The following MLKL variants were observed in gnomAD, a reference collection of about 807,000 sequenced individuals.
MLKL encodes mixed lineage kinase domain-like protein.
In MLKL, 55 loss-of-function variants were observed where a neutral mutation model predicts 56.5. That is an observed-to-expected ratio of 0.97 (90% CI 0.78 to 1.22). The LOEUF (loss-of-function observed/expected upper bound fraction) is 1.22. MLKL is among the 50% of genes most tolerant of loss of function. The probability of loss-of-function intolerance (pLI) is 0.00; values close to 1 mark genes in which losing one functional copy is unlikely to be tolerated. For missense variants in MLKL, 694 were observed against 573.9 expected (o/e 1.21, Z -2.14); for synonymous variants, 251 against 208.3 (o/e 1.20, Z -1.76).
Position 74,700,465 on chromosome 16 carries a change from C to T in MLKL, c.-15G>A, listed in dbSNP as rs1167481489. The T allele has an allele frequency of 2.0e-5, 3 of 152,482 alleles. No homozygotes were observed. The highest frequency in any genetic ancestry group is 2.0e-4 in the Admixed American group (3 of 15,284). The allele number at this position is 152,482 out of a possible 1,614,324, so 9.4% of individuals were successfully genotyped here. The stretch of plus-strand genomic sequence containing the variant: ...ACCCCATGCTCACCTTCGCGCCTCC[C>T]GAGGGGTGTGCGTCCAATCTGTCCC... On this transcript the variant is annotated 5_prime_UTR_variant, in exon 1 of 11. Coordinates refer to ENST00000308807, the MANE Select transcript of MLKL (RefSeq NM_152649.4).
At position 74,673,793 on chromosome 16, in the gene MLKL, A is replaced by C. The variant is rs192464238; in HGVS notation, c.1381+1167T>G. 9.3e-4 allele frequency among the ~76,000 whole-genome samples: 141 copies of C among 152,130 alleles called. 1 individual carries two copies. The highest frequency in any genetic ancestry group is 7.4e-5 in the Non-Finnish European group (5 of 67,984). Reference sequence around the variant, plus strand: ...GAGATAGAAAGACAAAAAGACAACAAGATAATGCTGCTGTGGTGGTGCCTG... The same window carrying C: ...GAGATAGAAAGACAAAAAGACAACACGATAATGCTGCTGTGGTGGTGCCTG... On this transcript the variant is annotated intron_variant, in intron 10 of 10. Coordinates refer to ENST00000308807, the MANE Select transcript of MLKL (RefSeq NM_152649.4).
Position 74,695,279 on chromosome 16 carries a change from C to T in MLKL, c.460+19G>A. The T allele has an allele frequency of 6.2e-7, 1 of 1,609,698 alleles. No homozygotes were observed. Among genetic ancestry groups the T allele is most frequent in the East Asian group, 2.2e-5 (1 of 44,830 alleles). Reference sequence around the variant, plus strand: ...TGCATTCAACTGCACTCCCACTCCCCACCAAAGACCCAGCTTGCCTCTTCT... The same window carrying T: ...TGCATTCAACTGCACTCCCACTCCCTACCAAAGACCCAGCTTGCCTCTTCT... On this transcript the variant is annotated intron_variant, in intron 2 of 10. Transcript: ENST00000308807.
intron 4 of MLKL, among the ~76,000 whole-genome samples, chr16:74,686,240 G>A (rs1446116354): frequency 3.3e-5 from 5 of 151,912 alleles, no homozygotes; most frequent in Non-Finnish European, 7.4e-5. Context: ...GGGATTTCAG[G>A]TGTGAGTCAC....
chr16:74,675,698 C>T lies in MLKL; in HGVS notation c.1105G>A (p.Asp369Asn), dbSNP rs758149009. 7 of 1,614,030 alleles carry T rather than the reference C, an allele frequency of 4.3e-6. No homozygotes were observed. Among genetic ancestry groups the T allele is most frequent in the Non-Finnish European group, 5.9e-6 (7 of 1,180,028 alleles). Residue 369 changes from aspartate to asparagine, a missense_variant, in exon 8 of 11, where the codon GAC becomes AAC. By Grantham distance (23) the Asp-to-Asn change is conservative (BLOSUM62 1). Coordinates refer to ENST00000308807, the MANE Select transcript of MLKL (RefSeq NM_152649.4). ...AGATATGCTGTAGATTTGACTCTGT[C>T]TGTCTTTTCTCTCGTAGTTCCCAAA... ...MSLGTTREKT[D>N]RVKSTAYLSP...
At position 74,695,464 on chromosome 16, in the gene MLKL, G is replaced by T. The variant is rs746877297; in HGVS notation, c.294C>A (p.Phe98Leu). 1.2e-6 allele frequency: 2 copies of T among 1,614,082 alleles called. No individual in the cohort carries two copies. Residue 98 changes from phenylalanine (F) to leucine (L), a missense_variant, in exon 2 of 11, where the codon TTC becomes TTA. Transcript: ENST00000308807. Reference sequence around the variant, plus strand: ...CACTCAGCTTCCTGTTCACGTCCTTGAAGAGTATTTTGTCCTGGCTTGCTG... The same window carrying T: ...CACTCAGCTTCCTGTTCACGTCCTTTAAGAGTATTTTGTCCTGGCTTGCTG... ...FLTASQDKIL[F>L]KDVNRKLSDV... is the part of the protein sequence containing the mutation.
At chr16:74,677,689 T>C (rs189089827) in intron 7 of MLKL, 1 of 152,340 alleles carries the variant, frequency 6.6e-6, no homozygotes, top group South Asian at 2.1e-4. Flanking sequence ...TTTTTCTTTT[T>C]TTTTGGAGAT....
chr16:74,674,405 G>A (rs973332605), intron 10 of MLKL, among the ~76,000 whole-genome samples: 2 of 151,556 alleles, frequency 1.3e-5, no homozygotes, highest in Non-Finnish European at 2.9e-5. Flanking sequence ...CACCCACCTT[G>A]GCCTCGCAAA....
intron 10 of MLKL, among the ~76,000 whole-genome samples, chr16:74,674,557 T>G (rs895468887): frequency 7.9e-5 from 12 of 151,896 alleles, no homozygotes; most frequent in African/African-American, 2.9e-4. Context: ...TTTCAAGAGA[T>G]TCTCATGCCT....
Position 74,675,444 on chromosome 16 carries a change from T to C in MLKL, c.1191-40A>G, listed in dbSNP as rs759554822. ...AGAAACTGAACAACCATAACTAGTC[T>C]CCCCTTTCCCCTGTCCCTCTAGCCA... On this transcript the variant is annotated intron_variant, in intron 8 of 10. Transcript: ENST00000308807. The C allele has an allele frequency of 5.4e-5, 87 of 1,603,284 alleles. 1 individual carries two copies. The South Asian group carries it at 9.2e-4, about 17-fold the overall frequency.
At chr16:74,688,190 A>G (rs2870147) in intron 4 of MLKL, among the ~76,000 whole-genome samples, 39,320 of 151,306 alleles carry the variant, frequency 0.26, 5,675 homozygotes, top group South Asian at 0.52. Context: ...GGCTGGTCTC[A>G]AACTCCTGAC....
chr16:74,674,442 C>T (rs554160706), intron 10 of MLKL, among the ~76,000 whole-genome samples: 19 of 151,870 alleles, frequency 1.3e-4, no homozygotes, highest in African/African-American at 2.9e-4. Context: ...CATGAGCCAC[C>T]GCGCCTGGCC....
At chr16:74,699,466 G>A (rs770584830) in intron 1 of MLKL, among the ~76,000 whole-genome samples, 1 of 152,184 alleles carries the variant, frequency 6.6e-6, no homozygotes, top group Non-Finnish European at 1.5e-5. Context: ...ATTGTTTAAG[G>A]TCTTATTAAG....
chr16:74,698,497 A>G (rs1961188068), intron 1 of MLKL, among the ~76,000 whole-genome samples: 1 of 152,194 alleles, frequency 6.6e-6, no homozygotes, highest in South Asian at 2.1e-4. Context: ...GGGCACTCCT[A>G]AAAAGACTAG....
At chr16:74,690,222 A>T (rs922283780) in intron 4 of MLKL, among the ~76,000 whole-genome samples, 1 of 152,268 alleles carries the variant, frequency 6.6e-6, no homozygotes, top group East Asian at 1.9e-4. Flanking sequence ...CAAGATATTG[A>T]TCACTTTATA....
intron 10 of MLKL, 127 bp downstream of exon 10, chr16:74,674,833 C>A: frequency 8.6e-7 from 1 of 1,165,822 alleles, no homozygotes. Context: ...TCAGACATCA[C>A]TAAATGTTCC....
rs138676724 is a variant in MLKL, at chr16:74,676,724, C to T, written c.1039-960G>A. ...TTATTTGAGGGCTGTCTCTGACACT[C>T]GTAGGACTGGAAGAAAGAAAACCGT... On this transcript the variant is annotated intron_variant, in intron 7 of 10. Transcript: ENST00000308807. The T allele has an allele frequency of 5.9e-5, 9 of 152,604 alleles. No homozygotes were observed. The East Asian group carries it at 1.2e-3, about 20-fold the overall frequency. 9.5% of individuals were successfully genotyped at this position (152,604 alleles called of 1,614,324 possible).
In MLKL at chr16:74,672,384, C is replaced by G; in HGVS notation, c.*120G>C. 3.6e-6 allele frequency: 3 copies of G among 836,672 alleles called. No individual in the cohort carries two copies. 51.8% of individuals were successfully genotyped at this position (836,672 alleles called of 1,614,324 possible). ...TCGTTTTCTATTTGTAACAGAGAAG[C>G]GTGCCCACTCCTTGCACCCATAGAT... On this transcript the variant is annotated 3_prime_UTR_variant, in exon 11 of 11. Transcript: ENST00000308807.
intron 1 of MLKL, among the ~76,000 whole-genome samples, chr16:74,699,714 C>A (rs1419354850): frequency 6.6e-6 from 1 of 152,148 alleles, no homozygotes; most frequent in East Asian, 1.9e-4. Flanking sequence ...GTAGGAGGAT[C>A]ACCTGAGCCC....
chr16:74,675,457 G>GT, intron 8 of MLKL, 53 bp from the exon 9 acceptor site: 1 of 1,597,152 alleles, frequency 6.3e-7, no homozygotes, highest in Non-Finnish European at 8.5e-7. Flanking sequence ...CCTTTCCCCT[G>GT]TCCCTCTAGC....
Sources: gnomAD v4.1 joint callset for allele counts (sites outside exome capture counted in the v4.1 genomes callset) on GRCh38, gnomAD v4.1.1 for gene constraint, MANE v1.5 for transcripts, NCBI Gene and HGNC (gene_info 2026-07-23, HGNC 2026-07-21) for gene names.